TMPRSS11D: variants seen among roughly 807,000 people sequenced by gnomAD.
TMPRSS11D encodes the protein transmembrane protease serine 11D.
Under a neutral mutation model 44.4 loss-of-function variants are expected in TMPRSS11D, and 32 were observed. The ratio of observed to expected loss-of-function variants is 0.72; its 90% confidence interval spans 0.54 to 0.97. The LOEUF is 0.97. Among genes scored for constraint, TMPRSS11D ranks in the 50% least tolerant of loss-of-function variants. TMPRSS11D has a pLI of 0.00. For missense variants in TMPRSS11D, 446 were observed against 502.6 expected (o/e 0.89, Z 1.08); for synonymous variants, 179 against 177.9 (o/e 1.01, Z -0.05).
intron 1 of TMPRSS11D, among the ~76,000 whole-genome samples, chr4:67,872,775 C>G (rs1719087751): frequency 6.6e-6 from 1 of 152,086 alleles, no homozygotes; most frequent in South Asian, 2.1e-4. Context: ...ATGCTATTTC[C>G]TAGGTAGCAA....
intron 1 of TMPRSS11D, among the ~76,000 whole-genome samples, chr4:67,869,592 G>C (rs1309466157): frequency 2.0e-5 from 3 of 152,056 alleles, no homozygotes; most frequent in Non-Finnish European, 4.4e-5. Flanking sequence ...TTATGACCGA[G>C]GGAAAATGAA....
chr4:67,825,627 C>A, intron 9 of TMPRSS11D, 105 bp downstream of exon 9: 1 of 1,219,248 alleles, frequency 8.2e-7, no homozygotes. Flanking sequence ...AGGAACAGGG[C>A]TGTGTATTGT....
chr4:67,873,638 A>G (rs1719111820), intron 1 of TMPRSS11D, among the ~76,000 whole-genome samples: 1 of 152,202 alleles, frequency 6.6e-6, no homozygotes, highest in Admixed American at 6.5e-5. Context: ...TTTAGTGGAT[A>G]TGTGAATTGC....
intron 3 of TMPRSS11D, among the ~76,000 whole-genome samples, chr4:67,851,442 A>G (rs1718506100): frequency 6.6e-6 from 1 of 152,198 alleles, no homozygotes; most frequent in African/African-American, 2.4e-5. Context: ...CTAGAACAAA[A>G]ATTATCAAAA....
At chr4:67,868,179 T>C (rs1718970086) in intron 1 of TMPRSS11D, among the ~76,000 whole-genome samples, 1 of 152,010 alleles carries the variant, frequency 6.6e-6, no homozygotes, top group South Asian at 2.1e-4. Context: ...CTGGAGGCTA[T>C]TATCTTAGGT....
chr4:67,853,729 TAAGG>T (rs1302611720), intron 3 of TMPRSS11D, among the ~76,000 whole-genome samples: 2 of 152,186 alleles, frequency 1.3e-5, no homozygotes, highest in Non-Finnish European at 2.9e-5. Flanking sequence ...TTTAGTTGGA[TAAGG>T]AAGAGGGAAG....
At chr4:67,850,925 C>A (rs1718492565) in intron 3 of TMPRSS11D, among the ~76,000 whole-genome samples, 2 of 152,168 alleles carry the variant, frequency 1.3e-5, no homozygotes, top group South Asian at 4.1e-4. Flanking sequence ...TCATTATTTA[C>A]AGCTCAGTAG....
intron 1 of TMPRSS11D, 41 bp from the exon 2 acceptor site, chr4:67,859,719 T>C: frequency 1.9e-6 from 3 of 1,608,504 alleles, no homozygotes; most frequent in Non-Finnish European, 8.5e-7. Flanking sequence ...TTCATTTCAC[T>C]GATTTCATCC....
chr4:67,844,493 G>T (rs1430743040), intron 3 of TMPRSS11D, among the ~76,000 whole-genome samples: 2 of 151,952 alleles, frequency 1.3e-5, no homozygotes, highest in African/African-American at 4.8e-5. Flanking sequence ...AAAAAGTCAG[G>T]CCAGGCACAG....
chr4:67,832,044 A>G (rs1205085223), intron 7 of TMPRSS11D, among the ~76,000 whole-genome samples: 1 of 152,174 alleles, frequency 6.6e-6, no homozygotes, highest in Non-Finnish European at 1.5e-5. Context: ...AAATTCAAAT[A>G]GAGATGTGGT....
intron 2 of TMPRSS11D, among the ~76,000 whole-genome samples, chr4:67,857,028 G>A (rs1158936848): frequency 6.6e-6 from 1 of 152,052 alleles, no homozygotes; most frequent in Non-Finnish European, 1.5e-5. Flanking sequence ...CTTATACACT[G>A]TTGGTGGAAA....
At chr4:67,828,932 G>C (rs955993140) in intron 7 of TMPRSS11D, among the ~76,000 whole-genome samples, 16 of 152,054 alleles carry the variant, frequency 1.1e-4, no homozygotes, top group African/African-American at 3.6e-4. Context: ...GAGTAAGAAA[G>C]TTAGCCAAAG....
intron 2 of TMPRSS11D, among the ~76,000 whole-genome samples, chr4:67,858,802 ACAC>A (rs1718721190): frequency 6.6e-6 from 1 of 152,164 alleles, no homozygotes. Context: ...GTAAAATTTG[ACAC>A]ATTTTACATA....
chr4:67,844,766 A>C (rs960637365), intron 3 of TMPRSS11D, among the ~76,000 whole-genome samples: 3 of 152,092 alleles, frequency 2.0e-5, no homozygotes, highest in African/African-American at 7.2e-5. Flanking sequence ...ACAACAGAGC[A>C]AGACTCTGTT....
chr4:67,837,463 A>C (rs1256012690), intron 5 of TMPRSS11D, among the ~76,000 whole-genome samples: 1 of 152,182 alleles, frequency 6.6e-6, no homozygotes, highest in African/African-American at 2.4e-5. Context: ...CAGTTAGTAC[A>C]TCTGTAACTG....
intron 1 of TMPRSS11D, among the ~76,000 whole-genome samples, chr4:67,866,609 C>A (rs1024103034): frequency 1.3e-5 from 2 of 151,846 alleles, no homozygotes; most frequent in African/African-American, 4.8e-5. Flanking sequence ...CCAAAAGACT[C>A]CTAGATTTGA....
chr4:67,826,939 A>T (rs1717808173), intron 8 of TMPRSS11D, among the ~76,000 whole-genome samples: 1 of 152,120 alleles, frequency 6.6e-6, no homozygotes, highest in South Asian at 2.1e-4. Flanking sequence ...AAACAAACAA[A>T]CAAACAAAAT....
chr4:67,870,877 G>A (rs913791031), intron 1 of TMPRSS11D, among the ~76,000 whole-genome samples: 2 of 148,892 alleles, frequency 1.3e-5, no homozygotes, highest in Admixed American at 1.3e-4. Flanking sequence ...TTATTATTTT[G>A]CAGTACACTT....
chr4:67,845,231 G>C (rs545031122), intron 3 of TMPRSS11D, among the ~76,000 whole-genome samples: 1 of 152,148 alleles, frequency 6.6e-6, no homozygotes, highest in Non-Finnish European at 1.5e-5. Flanking sequence ...AAAAGAAGAG[G>C]CCTATGAATA....
Sources: allele counts gnomAD v4.1 joint callset (sites outside exome capture counted in the v4.1 genomes callset), GRCh38; gene constraint gnomAD v4.1.1; transcripts MANE v1.5; gene names NCBI Gene and HGNC (gene_info 2026-07-23, HGNC 2026-07-21).